MYH2: variants seen among roughly 807,000 people sequenced by gnomAD.
The protein encoded by MYH2 is myosin heavy chain 2, also known as myosin-2.
A neutral mutation model predicts 228.1 loss-of-function variants in MYH2; 139 were observed. The ratio of observed to expected loss-of-function variants is 0.61; its 90% CI spans 0.53 to 0.70. The LOEUF (loss-of-function observed/expected upper bound fraction) is 0.70, where lower values mean the gene tolerates loss of function less well. Ranked by LOEUF, MYH2 falls within the 30% of genes least tolerant of loss-of-function variation. The pLI is 0.00. For synonymous variants in MYH2, 796 were observed against 871.1 expected (o/e 0.91, Z 1.52); for missense variants, 1,809 against 2,357.5 (o/e 0.77, Z 4.82).
Position 10,524,544 on chromosome 17 carries a change from T to C in MYH2, c.5097A>G (p.Glu1699=). 4 of 1,614,240 alleles carry C rather than the reference T, an allele frequency of 2.5e-6. No homozygotes were observed. The highest frequency in any genetic ancestry group is 3.4e-6 in the Non-Finnish European group (4 of 1,180,048). The change falls in exon 35 of 40, where the codon GAA becomes GAG. Residue 1699 remains glutamate (E), a synonymous_variant. Transcript: ENST00000245503. The surrounding 1 kb of genome is among the most constrained non-coding windows in gnomAD (Gnocchi z 4.7). ...AEIEELRATL[E]QTERSRKIAE... ...CGATTTTTCTGCTCCTCTCTGTCTGTTCCAGAGTGGCCCGCAGCTCCTCGA... is the reference window on the plus strand; with the variant it reads ...CGATTTTTCTGCTCCTCTCTGTCTGCTCCAGAGTGGCCCGCAGCTCCTCGA...
At chr17:10,539,114 A>G (rs1381232903) in intron 14 of MYH2, 91 bp downstream of exon 14, 35 of 1,606,176 alleles carry the variant, frequency 2.2e-5, no homozygotes, top group Non-Finnish European at 2.7e-5. Context: ...CTACAGTGGT[A>G]AGAAAAGGTC....
chr17:10,529,759 C>T lies in MYH2; in HGVS notation c.2941-19G>A, dbSNP rs772252375. Reference sequence around the variant, plus strand: ...TTTTCACCTACAAAGGTGAAGAAAGCAGTTTAGTTGCTATAAAGCACCTTT... The same window carrying T: ...TTTTCACCTACAAAGGTGAAGAAAGTAGTTTAGTTGCTATAAAGCACCTTT... On this transcript the variant is annotated intron_variant, in intron 23 of 39. Coordinates refer to ENST00000245503, the MANE Select transcript of MYH2 (RefSeq NM_017534.6). The T allele has an allele frequency of 6.2e-7, 1 of 1,613,962 alleles. No individual in the cohort carries two copies. The highest frequency in any genetic ancestry group is 1.1e-5 in the South Asian group (1 of 91,070).
At position 10,535,098 on chromosome 17, in the gene MYH2, T is replaced by C; in HGVS notation, c.2155A>G (p.Ile719Val). The C allele has an allele frequency of 1.2e-6, 2 of 1,614,158 alleles. No homozygotes were observed. Among genetic ancestry groups the C allele is most frequent in the Non-Finnish European group, 1.7e-6 (2 of 1,180,012 alleles). ...CTCTGTTTGAAGTCTGCATAAAGGATTCTGCTTGGAAATCCTTTCCTACAG... is the reference window on the plus strand; with the variant it reads ...CTCTGTTTGAAGTCTGCATAAAGGACTCTGCTTGGAAATCCTTTCCTACAG... ...RICRKGFPSRILYADFKQRYK... is the reference protein window; with the variant it reads ...RICRKGFPSRVLYADFKQRYK... The change falls in exon 19 of 40, where the codon ATC becomes GTC. Residue 719 changes from isoleucine (I) to valine (V), a missense_variant. Transcript: ENST00000245503.
At position 10,535,147 on chromosome 17, in the gene MYH2, G is replaced by A. The variant is rs145039915; in HGVS notation, c.2106C>T (p.Asn702=). 1,122 of 1,614,066 alleles carry A rather than the reference G, an allele frequency of 7.0e-4. 10 individuals carry two copies. In the East Asian group the frequency reaches 0.01, roughly 15 times the overall value. ...AGATGCGGATGCCTTCCAGCACACC[G>A]TTACACCTCAGCTGGTGGAGGACAA... ...HELVLHQLRC[N]GVLEGIRICR... The change falls in exon 19 of 40, where the codon AAC becomes AAT. Residue 702 remains asparagine, a synonymous_variant. Transcript: ENST00000245503.
intron 14 of MYH2, among the ~76,000 whole-genome samples, chr17:10,538,983 C>G (rs1475368977): frequency 6.6e-6 from 1 of 152,156 alleles, no homozygotes; most frequent in Non-Finnish European, 1.5e-5. Flanking sequence ...TAATTCAGAA[C>G]TCCCTTTGTA....
In MYH2 at chr17:10,537,557, A is replaced by G; in HGVS notation, c.1588-15T>C. The G allele has an allele frequency of 1.9e-6, 3 of 1,614,152 alleles. No homozygotes were observed. On this transcript the variant is annotated splice_polypyrimidine_tract_variant and intron_variant, in intron 15 of 39. Transcript: ENST00000245503. This position sits in a 1 kb window ranked among gnomAD's most constrained non-coding sequence, Gnocchi z 4.0. ...ATGCCCATAGGCTAAAAAGCAGACC[A>G]CAACACAAAATTGTACTTCTATTTT...
Position 10,531,874 on chromosome 17 carries a change from C to T in MYH2, c.2456G>A (p.Cys819Tyr). The change falls in exon 22 of 40, where the codon TGT becomes TAT. Residue 819 changes from cysteine to tyrosine, a missense_variant. Cys to Tyr is a radical substitution (Grantham distance 194). Transcript: ENST00000245503. ...GAAGGATCTGATATTGTACTGGATA[C>T]AGAAGATGGCCTCCCTGAAATTTAA... is the stretch of plus-strand genomic sequence containing the variant. The part of the protein sequence containing the change: ...RMVERREAIF[C>Y]IQYNIRSFMN... The T allele has an allele frequency of 6.2e-7, 1 of 1,614,122 alleles. No homozygotes were observed. The highest frequency in any genetic ancestry group is 1.3e-5 in the African/African-American group (1 of 75,026).
intron 8 of MYH2, 89 bp downstream of exon 8, chr17:10,543,622 G>T (rs1042055664): frequency 6.5e-7 from 1 of 1,533,738 alleles, no homozygotes; most frequent in Non-Finnish European, 9.0e-7. Context: ...AATAGAATGG[G>T]AATGAAAAAG....
rs1181503833 is a variant in MYH2, at chr17:10,533,627, T to C, written c.2186A>G (p.Lys729Arg). 1 of 1,614,118 alleles carries C rather than the reference T, an allele frequency of 6.2e-7. No individual in the cohort carries two copies. The highest frequency in any genetic ancestry group is 1.1e-5 in the South Asian group (1 of 91,078). The change falls in exon 20 of 40, where the codon AAG (lysine) becomes AGG (arginine). Residue 729 changes from lysine to arginine, a missense_variant. Physicochemically the swap from Lys to Arg is conservative, Grantham distance 26. Transcript: ENST00000245503. ...AGGGATTGCACTTGCATTTAATACC[T>C]TGTATCTGTTGAAGTACATATAGCT... Reference protein sequence around the residue: ...ILYADFKQRYKVLNASAIPEG... With the variant: ...ILYADFKQRYRVLNASAIPEG...
At chr17:10,523,971 ATTTGC>A in intron 35 of MYH2, 87 bp from the exon 36 acceptor site, 1 of 1,409,404 alleles carries the variant, frequency 7.1e-7, no homozygotes, top group Admixed American at 2.2e-5. Context: ...TCAGATAAAA[ATTTGC>A]AAGTCAAAAA....
At chr17:10,530,879 G>T (rs977296513) in intron 22 of MYH2, among the ~76,000 whole-genome samples, 1 of 152,136 alleles carries the variant, frequency 6.6e-6, no homozygotes, top group Non-Finnish European at 1.5e-5. Context: ...ACTGCTCAAC[G>T]TTGACAGAGA....
Position 10,547,740 on chromosome 17 carries a change from T to A in MYH2, c.181A>T (p.Thr61Ser). ...TIQSREGGKV[T>S]VKTEGGATLT... ...ACCGCTCCTCCCTCAGTCTTCACCG[T>A]CACTTTTCCTCCTTCTCTGCTCTGG... is the stretch of plus-strand genomic sequence containing the variant. Residue 61 changes from threonine to serine, a missense_variant, in exon 3 of 40, where the codon ACG becomes TCG. By Grantham distance (58) the Thr-to-Ser change is moderately conservative. Transcript: ENST00000245503. 2 of 1,614,228 alleles carry A rather than the reference T, an allele frequency of 1.2e-6. No individual in the cohort carries two copies. Among genetic ancestry groups the A allele is most frequent in the Non-Finnish European group, 1.7e-6 (2 of 1,180,038 alleles).
intron 10 of MYH2, 148 bp downstream of exon 10, chr17:10,542,727 A>G: frequency 1.8e-6 from 1 of 569,570 alleles, no homozygotes; most frequent in Non-Finnish European, 3.1e-6. Flanking sequence ...TAATGAGCAC[A>G]TATAAATTTT....
At position 10,522,586 on chromosome 17, in the gene MYH2, G is replaced by A. The variant is rs1188192673; in HGVS notation, c.5673+504C>T. On this transcript the variant is annotated intron_variant, in intron 39 of 39. Coordinates refer to ENST00000245503, the MANE Select transcript of MYH2 (RefSeq NM_017534.6). The stretch of plus-strand genomic sequence containing the variant: ...TTATAATTTATTTATTGGACTGTCT[G>A]TTTGTTTATTTTTACTTTTGGTTCA... Among the ~76,000 whole-genome samples the A allele has an allele frequency of 2.0e-5, 3 of 151,378 alleles. No homozygotes were observed. In the East Asian group the frequency reaches 5.8e-4, roughly 29 times the overall value.
intron 22 of MYH2, among the ~76,000 whole-genome samples, 190 bp downstream of exon 22, chr17:10,531,443 C>G (rs1287407781): frequency 6.6e-6 from 1 of 152,168 alleles, no homozygotes; most frequent in Non-Finnish European, 1.5e-5. Context: ...CCTCACTGCC[C>G]TGGTGCTGGT....
chr17:10,536,603 C>G lies in MYH2; in HGVS notation c.1901G>C (p.Gly634Ala), dbSNP rs770538729. The change falls in exon 17 of 40, where the codon GGA becomes GCA. Residue 634 changes from glycine (G) to alanine (A), a missense_variant. Physicochemically the swap from Gly to Ala is moderately conservative, Grantham distance 60. Around this residue, in one of 9 missense-constraint regions of MYH2, gnomAD observed 276 missense variants for 344.2 expected, o/e 0.80. Coordinates refer to ENST00000245503, the MANE Select transcript of MYH2 (RefSeq NM_017534.6). Reference sequence around the variant, plus strand: ...ACCTTTCTTGGCCCCTCCACCAGCTCCCTCTGAAGAAAAAGGAAGAAAAGA... The same window carrying G: ...ACCTTTCTTGGCCCCTCCACCAGCTGCCTCTGAAGAAAAAGGAAGAAAAGA... Reference protein sequence around the residue: ...FSGAQTAEGEGAGGGAKKGGK... With the variant: ...FSGAQTAEGEAAGGGAKKGGK... 8 of 1,613,268 alleles carry G rather than the reference C, an allele frequency of 5.0e-6. No homozygotes were observed. The African/African-American group carries it at 6.7e-5, about 13-fold the overall frequency.
At chr17:10,531,980 T>C in intron 21 of MYH2, 92 bp from the exon 22 acceptor site, 1 of 1,498,356 alleles carries the variant, frequency 6.7e-7, no homozygotes, top group East Asian at 2.3e-5. Flanking sequence ...CTTCACCTTG[T>C]TCCTACTCTG....
intron 30 of MYH2, 57 bp downstream of exon 30, chr17:10,526,542 T>A: frequency 6.2e-7 from 1 of 1,607,220 alleles, no homozygotes; most frequent in Non-Finnish European, 8.5e-7. Context: ...AAAGGTCATG[T>A]CTTTCTGATT....
intron 3 of MYH2, 42 bp downstream of exon 3, chr17:10,547,674 CA>C (rs779215391): frequency 2.8e-5 from 45 of 1,613,906 alleles, no homozygotes; most frequent in Middle Eastern, 1.6e-4. Context: ...ACAACAACAA[CA>C]AAAATCAATA....
Sources: allele counts gnomAD v4.1 joint callset (sites outside exome capture counted in the v4.1 genomes callset), GRCh38; gene constraint gnomAD v4.1.1; regional missense constraint gnomAD v4.1.1; non-coding constraint Gnocchi (gnomAD v3.1); transcripts MANE v1.5; gene names NCBI Gene and HGNC (gene_info 2026-07-23, HGNC 2026-07-21).